The following GRIK3 variants were observed in gnomAD, a reference collection of about 807,000 sequenced individuals.
GRIK3 encodes glutamate receptor ionotropic, kainate 3.
In GRIK3, 29 loss-of-function variants were observed where a neutral mutation model predicts 102.5. That is an observed-to-expected ratio of 0.28 (90% CI 0.21 to 0.39). The LOEUF is 0.39. Among genes scored for constraint, GRIK3 ranks in the 10% least tolerant of loss-of-function variants. GRIK3 has a pLI of 1.00. For synonymous variants in GRIK3, 511 were observed against 504.9 expected (o/e 1.01, Z -0.16); for missense variants, 908 against 1,252.4 (o/e 0.73, Z 4.15).
chr1:36,928,269 C>T (rs925972597), intron 1 of GRIK3, among the ~76,000 whole-genome samples: 16 of 152,148 alleles, frequency 1.1e-4, no homozygotes, highest in African/African-American at 3.1e-4. Flanking sequence ...TCTGAGTGTG[C>T]GAGGTAGCTG....
intron 1 of GRIK3, among the ~76,000 whole-genome samples, chr1:37,028,673 T>G (rs1241499262): frequency 2.0e-5 from 3 of 152,126 alleles, no homozygotes; most frequent in Non-Finnish European, 4.4e-5. Context: ...ATTCAGCCCC[T>G]TAAAAACTGT....
At chr1:36,944,519 A>C (rs1461547456) in intron 1 of GRIK3, among the ~76,000 whole-genome samples, 1 of 152,204 alleles carries the variant, frequency 6.6e-6, no homozygotes. Context: ...GAGAGGGAAG[A>C]GAGTGTTCTC....
chr1:36,869,840 C>G (rs370693961), intron 4 of GRIK3, 39 bp from the exon 5 acceptor site: 1 of 1,511,924 alleles, frequency 6.6e-7, no homozygotes, highest in Non-Finnish European at 9.2e-7. Context: ...GCAGGGAACC[C>G]CTGGGCAGCC....
chr1:36,805,457 C>T (rs546267924), intron 14 of GRIK3, among the ~76,000 whole-genome samples: 1 of 152,280 alleles, frequency 6.6e-6, no homozygotes, highest in East Asian at 1.9e-4. Flanking sequence ...TGTATCAGTC[C>T]CTGTGGGCTC....
At chr1:36,992,734 T>C (rs185580473) in intron 1 of GRIK3, among the ~76,000 whole-genome samples, 6 of 152,074 alleles carry the variant, frequency 3.9e-5, no homozygotes, top group Non-Finnish European at 8.8e-5. Context: ...ATTTATGGAG[T>C]GCTGACTCAG....
chr1:37,029,037 C>T (rs1642792480), intron 1 of GRIK3, among the ~76,000 whole-genome samples: 1 of 151,872 alleles, frequency 6.6e-6, no homozygotes, highest in South Asian at 2.1e-4. Flanking sequence ...TGATTTTGCT[C>T]CAGACCCAGG....
rs1642423918 is a variant in GRIK3, at chr1:36,800,083, G to A, written c.*1768C>T. The A allele has an allele frequency of 6.6e-6, 1 of 152,204 alleles. No individual in the cohort carries two copies. The allele number at this position is 152,204 out of a possible 1,614,324, so 9.4% of individuals were successfully genotyped here. On this transcript the variant is annotated 3_prime_UTR_variant, in exon 16 of 16. Coordinates refer to ENST00000373091, the MANE Select transcript of GRIK3 (RefSeq NM_000831.4). ...GTTTGGTCCTGCAGCTCACAGTCTGGAGGAGGGACAGTGTTTATCACATGA... is the reference window on the plus strand; with the variant it reads ...GTTTGGTCCTGCAGCTCACAGTCTGAAGGAGGGACAGTGTTTATCACATGA...
At chr1:36,937,533 T>C (rs1641672571) in intron 1 of GRIK3, among the ~76,000 whole-genome samples, 1 of 152,094 alleles carries the variant, frequency 6.6e-6, no homozygotes, top group Non-Finnish European at 1.5e-5. Context: ...GAAACAGAAA[T>C]TTCGGTGGAG....
intron 2 of GRIK3, among the ~76,000 whole-genome samples, chr1:36,887,763 A>ATAT (rs1388747392): frequency 1.0e-4 from 10 of 98,050 alleles, no homozygotes; most frequent in African/African-American, 5.3e-4. Context: ...TCTCAAAAAA[A>ATAT]AAAAAAAAAT....
At chr1:36,956,576 C>T (rs1011692353) in intron 1 of GRIK3, among the ~76,000 whole-genome samples, 2 of 151,946 alleles carry the variant, frequency 1.3e-5, no homozygotes, top group African/African-American at 2.4e-5. Flanking sequence ...CCATCACATG[C>T]CATGGCCAAG....
chr1:36,817,143 T>C lies in GRIK3; in HGVS notation c.2008A>G (p.Ile670Val). ...TTGGCCAGGTCATCAGCAGAGTCAA[T>C]GGGTGATTCCATGCGCTCCACGGTC... ...FLTVERMESPIDSADDLAKQT... is the reference protein window; with the variant it reads ...FLTVERMESPVDSADDLAKQT... Residue 670 changes from isoleucine to valine, a missense_variant, in exon 13 of 16, where the codon ATT becomes GTT. Physicochemically the swap from Ile to Val is conservative, Grantham distance 29. Transcript: ENST00000373091. 1 of 1,614,076 alleles carries C rather than the reference T, an allele frequency of 6.2e-7. No individual in the cohort carries two copies. The highest frequency in any genetic ancestry group is 8.5e-7 in the Non-Finnish European group (1 of 1,179,978).
intron 1 of GRIK3, among the ~76,000 whole-genome samples, chr1:36,983,490 T>A (rs958220888): frequency 1.3e-5 from 2 of 152,100 alleles, no homozygotes; most frequent in Admixed American, 1.3e-4. Flanking sequence ...CTGTCCTTGG[T>A]GCTCTCCACG....
chr1:36,965,938 A>T (rs1642073167), intron 1 of GRIK3, among the ~76,000 whole-genome samples: 1 of 152,220 alleles, frequency 6.6e-6, no homozygotes, highest in South Asian at 2.1e-4. Flanking sequence ...TCTGGCCTGG[A>T]TGGTGACTTG....
At chr1:36,955,218 C>G (rs1570820472) in intron 1 of GRIK3, among the ~76,000 whole-genome samples, 1 of 152,214 alleles carries the variant, frequency 6.6e-6, no homozygotes, top group South Asian at 2.1e-4. Flanking sequence ...TAAGTGACAG[C>G]CCACCTGGCT....
At chr1:36,902,477 G>C (rs1641242208) in intron 1 of GRIK3, among the ~76,000 whole-genome samples, 1 of 152,144 alleles carries the variant, frequency 6.6e-6, no homozygotes. Flanking sequence ...CAATACGGTG[G>C]AGAAAAGAAA....
chr1:37,027,827 G>T (rs560422821), intron 1 of GRIK3, among the ~76,000 whole-genome samples: 25 of 151,800 alleles, frequency 1.6e-4, no homozygotes, highest in African/African-American at 5.3e-4. Flanking sequence ...ATTATCCCAG[G>T]CTCCCCTGGC....
At chr1:36,983,867 G>A (rs1356266659) in intron 1 of GRIK3, among the ~76,000 whole-genome samples, 1 of 152,088 alleles carries the variant, frequency 6.6e-6, no homozygotes, top group Non-Finnish European at 1.5e-5. Context: ...GCATCCACGA[G>A]GTGCCTGGCA....
chr1:37,003,115 G>T (rs559033612), intron 1 of GRIK3, among the ~76,000 whole-genome samples: 5 of 150,000 alleles, frequency 3.3e-5, no homozygotes, highest in East Asian at 2.0e-4. Flanking sequence ...ACCAGGGAGC[G>T]TAGAGTCAAA....
At chr1:37,026,344 C>G (rs1201014940) in intron 1 of GRIK3, among the ~76,000 whole-genome samples, 3 of 152,166 alleles carry the variant, frequency 2.0e-5, no homozygotes, top group Non-Finnish European at 2.9e-5. Flanking sequence ...CTAGGCCCAC[C>G]AACTCCAGTG....
Sources: allele counts gnomAD v4.1 joint callset (sites outside exome capture counted in the v4.1 genomes callset), GRCh38; gene constraint gnomAD v4.1.1; transcripts MANE v1.5; gene names NCBI Gene and HGNC (gene_info 2026-07-23, HGNC 2026-07-21).